RIC8B: variants seen among roughly 807,000 people sequenced by gnomAD.
The protein encoded by RIC8B is chaperone Ric-8B.
Under a neutral mutation model 57.5 loss-of-function variants are expected in RIC8B, and 16 were observed. That is an observed-to-expected ratio of 0.28 (90% CI 0.19 to 0.42). RIC8B has a LOEUF of 0.42. Among genes scored for constraint, RIC8B ranks in the 10% least tolerant of loss-of-function variants. The pLI, the probability that RIC8B is intolerant of heterozygous loss-of-function variation, is 1.00. For missense variants in RIC8B, 481 were observed against 677.0 expected, an observed-to-expected ratio of 0.71 and a Z score of 3.21; for synonymous variants, 216 against 250.8, an observed-to-expected ratio of 0.86 and a Z score of 1.31.
chr12:106,839,839 G>A (rs2046787704), intron 4 of RIC8B, among the ~76,000 whole-genome samples: 1 of 152,096 alleles, frequency 6.6e-6, no homozygotes, highest in Non-Finnish European at 1.5e-5. Flanking sequence ...AGCATAGTGA[G>A]ACCTTGTCTC....
chr12:106,817,864 A>T (rs977861666), intron 3 of RIC8B, among the ~76,000 whole-genome samples: 3 of 151,768 alleles, frequency 2.0e-5, no homozygotes, highest in African/African-American at 7.3e-5. Flanking sequence ...GAGTGCAGAG[A>T]AACTTGCTAC....
chr12:106,804,256 C>T (rs11833112), intron 2 of RIC8B, among the ~76,000 whole-genome samples: 3,782 of 151,346 alleles, frequency 0.025, 164 homozygotes, highest in African/African-American at 0.087. Flanking sequence ...GCTCTGTCGC[C>T]CAGGCTGGAG....
chr12:106,886,260 A>C lies in RIC8B; in HGVS notation c.*245A>C. ...AAAAGCAGAAAAAAAATTCCATTTC[A>C]TCGGGATGGAACTGAAGGATTTTAT... On this transcript the variant is annotated 3_prime_UTR_variant, in exon 10 of 10. Coordinates refer to ENST00000392837, the MANE Select transcript of RIC8B (RefSeq NM_001330145.2). 1 of 428,804 alleles carries C rather than the reference A, an allele frequency of 2.3e-6. No individual in the cohort carries two copies. The highest frequency in any genetic ancestry group is 4.2e-6 in the Non-Finnish European group (1 of 240,386). The allele number at this position is 428,804 out of a possible 1,614,324, so 26.6% of individuals were successfully genotyped here. A position where few individuals can be genotyped will look rare whatever the true frequency, so the allele number is the denominator to read the frequency against.
At position 106,873,136 on chromosome 12, in the gene RIC8B, C is replaced by G. The variant is rs1721999886; in HGVS notation, c.1571+2194C>G. 3.0e-6 allele frequency: 3 copies of G among 985,262 alleles called. No homozygotes were observed. The South Asian group carries it at 1.4e-4, about 46-fold the overall frequency. 61.0% of individuals were successfully genotyped at this position (985,262 alleles called of 1,614,324 possible). On this transcript the variant is annotated intron_variant, in intron 9 of 9. Coordinates refer to ENST00000392837, the MANE Select transcript of RIC8B (RefSeq NM_001330145.2). ...TTAAACTATGCCTCAAAGAAGATGC[C>G]TACTTATCCGGAAGTACCCAGCAGA...
intron 4 of RIC8B, among the ~76,000 whole-genome samples, chr12:106,831,268 G>T (rs955318020): frequency 2.0e-5 from 3 of 152,166 alleles, no homozygotes; most frequent in Admixed American, 6.5e-5. Flanking sequence ...ACTGCACACA[G>T]AGGTGTTTTT....
At chr12:106,855,347 C>G (rs955098141) in intron 7 of RIC8B, among the ~76,000 whole-genome samples, 3 of 152,128 alleles carry the variant, frequency 2.0e-5, no homozygotes, top group East Asian at 3.9e-4. Context: ...ACCCTTTATT[C>G]TTTTGTTCTT....
rs1014373611 is a variant in RIC8B at position 106,887,351 on chromosome 12, T to C, written c.*1336T>C. ...AACAATACTATTTCACAGTTTATGCTTTTTTAAAGTGCTTTTACATCCATG... is the reference window on the plus strand; with the variant it reads ...AACAATACTATTTCACAGTTTATGCCTTTTTAAAGTGCTTTTACATCCATG... On this transcript the variant is annotated 3_prime_UTR_variant, in exon 10 of 10. Coordinates refer to ENST00000392837, the MANE Select transcript of RIC8B (RefSeq NM_001330145.2). The C allele has an allele frequency of 6.6e-6, 1 of 152,610 alleles. No homozygotes were observed. Among genetic ancestry groups the C allele is most frequent in the African/African-American group, 2.4e-5 (1 of 41,470 alleles). The allele number at this position is 152,610 out of a possible 1,614,324, so 9.5% of individuals were successfully genotyped here.
At chr12:106,868,391 T>TG (rs1830716941) in intron 8 of RIC8B, 1 of 454,314 alleles carries the variant, frequency 2.2e-6, no homozygotes, top group Non-Finnish European at 4.4e-6. Flanking sequence ...TTATACTTTC[T>TG]TCTAAGGCCT....
intron 2 of RIC8B, among the ~76,000 whole-genome samples, chr12:106,810,510 G>A (rs141773406): frequency 1.6e-4 from 25 of 152,232 alleles, no homozygotes; most frequent in African/African-American, 5.8e-4. Context: ...TTGTGGTTTA[G>A]GTATCCCTTA....
At chr12:106,873,664 T>G (rs1238765223) in intron 9 of RIC8B, among the ~76,000 whole-genome samples, 1 of 152,196 alleles carries the variant, frequency 6.6e-6, no homozygotes, top group Non-Finnish European at 1.5e-5. Context: ...TCTCTGCCTT[T>G]GGAAAACTCA....
intron 2 of RIC8B, among the ~76,000 whole-genome samples, chr12:106,797,299 A>G (rs547581808): frequency 4.6e-5 from 7 of 152,364 alleles, no homozygotes; most frequent in East Asian, 1.9e-4. Context: ...TATCTATACA[A>G]TGAAATATTT....
At chr12:106,818,991 C>T (rs1044369341) in intron 3 of RIC8B, among the ~76,000 whole-genome samples, 1 of 152,142 alleles carries the variant, frequency 6.6e-6, no homozygotes, top group Non-Finnish European at 1.5e-5. Flanking sequence ...GTCTCGAACT[C>T]CCGACCTCAG....
rs1951243724 is a variant in RIC8B, at chr12:106,887,821, G to GC, written c.*1809dup. 1 of 152,222 alleles carries GC rather than the reference G, an allele frequency of 6.6e-6. No individual in the cohort carries two copies. Among genetic ancestry groups the GC allele is most frequent in the Non-Finnish European group, 1.5e-5 (1 of 68,038 alleles). 9.4% of individuals were successfully genotyped at this position (152,222 alleles called of 1,614,324 possible). ...CAGAAAATGTGTGTACAACAGTATG[G>GC]CCCGTAGACTACTTCCTATAATGGT... On this transcript the variant is annotated 3_prime_UTR_variant, in exon 10 of 10. Coordinates refer to ENST00000392837, the MANE Select transcript of RIC8B (RefSeq NM_001330145.2).
chr12:106,818,608 C>T (rs144001482), intron 3 of RIC8B, among the ~76,000 whole-genome samples: 4 of 152,242 alleles, frequency 2.6e-5, no homozygotes, highest in East Asian at 3.9e-4. Flanking sequence ...CCACCACACT[C>T]GGCTAATTGT....
At chr12:106,823,684 A>G (rs961029988) in intron 3 of RIC8B, among the ~76,000 whole-genome samples, 1 of 143,006 alleles carries the variant, frequency 7.0e-6, no homozygotes, top group Admixed American at 7.0e-5. Context: ...ATATGAGATA[A>G]TTTTTTTTTT....
At chr12:106,858,241 T>C (rs1165957489) in intron 7 of RIC8B, among the ~76,000 whole-genome samples, 2 of 152,196 alleles carry the variant, frequency 1.3e-5, no homozygotes, top group Non-Finnish European at 2.9e-5. Flanking sequence ...TTTAAACATT[T>C]ATTCATATCT....
At chr12:106,842,283 A>G (rs1948984498) in intron 4 of RIC8B, among the ~76,000 whole-genome samples, 1 of 152,212 alleles carries the variant, frequency 6.6e-6, no homozygotes, top group African/African-American at 2.4e-5. Flanking sequence ...TTGCCATAAT[A>G]AAATTAAGGA....
chr12:106,779,868 CTTT>C (rs34745029), intron 1 of RIC8B, among the ~76,000 whole-genome samples: 157 of 98,934 alleles, frequency 1.6e-3, no homozygotes, highest in African/African-American at 1.9e-3. Flanking sequence ...GGGGCCTGTT[CTTT>C]TTTTTTTTTT....
chr12:106,794,077 A>G (rs886897542), intron 2 of RIC8B, among the ~76,000 whole-genome samples: 2 of 152,248 alleles, frequency 1.3e-5, no homozygotes, highest in Non-Finnish European at 2.9e-5. Context: ...ATGAAGTCAC[A>G]TAAAATGGAG....
Sources: allele counts gnomAD v4.1 joint callset (sites outside exome capture counted in the v4.1 genomes callset), GRCh38; gene constraint gnomAD v4.1.1; transcripts MANE v1.5; gene names NCBI Gene and HGNC (gene_info 2026-07-23, HGNC 2026-07-21).